The following SASH1 variants were observed in gnomAD, a reference collection of about 807,000 sequenced individuals.
SASH1 encodes the protein SAM and SH3 domain containing 1.
A neutral mutation model predicts 125.2 loss-of-function variants in SASH1; 44 were observed. That is an observed-to-expected ratio of 0.35 (90% confidence interval 0.28 to 0.45). The LOEUF (loss-of-function observed/expected upper bound fraction) is 0.45. Ranked by LOEUF, SASH1 falls within the 20% of genes least tolerant of loss-of-function variation. SASH1 has a pLI of 1.00. For synonymous variants in SASH1, 639 were observed against 649.1 expected (o/e 0.98, Z 0.24); for missense variants, 1,426 against 1,614.5 (o/e 0.88, Z 2.00).
chr6:148,515,685 T>G (rs1002628784), intron 9 of SASH1, among the ~76,000 whole-genome samples: 5 of 152,226 alleles, frequency 3.3e-5, no homozygotes, highest in African/African-American at 1.2e-4. Context: ...TTTGGGTGTT[T>G]TAATACCTGC....
In SASH1 at chr6:148,489,535, T is replaced by C. The variant is rs534775937; in HGVS notation, c.729+1820T>C. Among the ~76,000 whole-genome samples the C allele has an allele frequency of 2.0e-5, 3 of 152,346 alleles. No individual in the cohort carries two copies. In the South Asian group the frequency reaches 6.2e-4, roughly 32 times the overall value. On this transcript the variant is annotated intron_variant, in intron 8 of 19. Coordinates refer to ENST00000367467, the MANE Select transcript of SASH1 (RefSeq NM_015278.5). ...CGTTGGGATATTGATAGGGATTGCA[T>C]TGAATCTTTAGATTGACTTGGGTAA...
chr6:148,542,193 A>G (rs911085476), intron 17 of SASH1, among the ~76,000 whole-genome samples: 2 of 152,216 alleles, frequency 1.3e-5, no homozygotes, highest in African/African-American at 4.8e-5. Flanking sequence ...AAGTTCAGGG[A>G]TCTTTCTAAT....
intron 4 of SASH1, among the ~76,000 whole-genome samples, chr6:148,447,487 C>T (rs1055839816): frequency 6.6e-6 from 1 of 152,172 alleles, no homozygotes; most frequent in Non-Finnish European, 1.5e-5. Flanking sequence ...TGTCTTCACC[C>T]TCTTTCCTCT....
intron 1 of SASH1, among the ~76,000 whole-genome samples, chr6:148,358,895 C>T (rs1170270197): frequency 6.6e-6 from 1 of 151,406 alleles, no homozygotes; most frequent in African/African-American, 2.4e-5. Context: ...ATCACCACAC[C>T]CGGCTAATTT....
At chr6:148,270,439 T>C (rs148478648), upstream of SASH1, among the ~76,000 whole-genome samples, 1 of 152,298 alleles carries the variant, frequency 6.6e-6, no homozygotes, top group African/African-American at 2.4e-5. Flanking sequence ...CTGATACCGA[T>C]GAGCAGAATT....
chr6:148,319,526 G>GT (rs1198074752), intron 1 of SASH1, among the ~76,000 whole-genome samples: 1 of 150,822 alleles, frequency 6.6e-6, no homozygotes, highest in Non-Finnish European at 1.5e-5. Flanking sequence ...TTTGTTTTTT[G>GT]TTTTTTTGAG....
intron 4 of SASH1, among the ~76,000 whole-genome samples, chr6:148,452,984 C>T (rs925760010): frequency 2.6e-5 from 4 of 152,216 alleles, no homozygotes; most frequent in Non-Finnish European, 4.4e-5. Flanking sequence ...TGTGTGCACG[C>T]GTGCACCATT....
intron 1 of SASH1, among the ~76,000 whole-genome samples, chr6:148,286,413 A>AG (rs1779484746): frequency 6.6e-6 from 1 of 151,970 alleles, no homozygotes; most frequent in Non-Finnish European, 1.5e-5. Context: ...AAAAAAAAAA[A>AG]AGAATTCTGT....
intron 1 of SASH1, among the ~76,000 whole-genome samples, chr6:148,378,070 T>TC (rs1782981538): frequency 6.6e-6 from 1 of 151,182 alleles, no homozygotes; most frequent in Non-Finnish European, 1.5e-5. Flanking sequence ...TTTTTTTTTT[T>TC]GACGGAGTTT....
In SASH1 at chr6:148,446,088, CTTTTTTTTTTTTTTTTTTTTTTT is replaced by C. The variant is rs576798745; in HGVS notation, c.386+5697_386+5719del. Among the ~76,000 whole-genome samples the C allele has an allele frequency of 2.1e-4, 15 of 71,010 alleles. 1 individual carries two copies. In the South Asian group the frequency reaches 9.8e-3, roughly 46 times the overall value. 46.6% of individuals were successfully genotyped at this position (71,010 alleles called of 152,430 possible). ...TTGCTATCCTGAACAACATAGGGTTCTTTTTTTTTTTTTTTTTTTTTTTTTTTTTTTTTTTTTTGAGACGGAGC... is the reference window on the plus strand; with the variant it reads ...TTGCTATCCTGAACAACATAGGGTTCTTTTTTTTTTTTTTTGAGACGGAGC... On this transcript the variant is annotated intron_variant, in intron 4 of 19. Coordinates refer to ENST00000367467, the MANE Select transcript of SASH1 (RefSeq NM_015278.5).
intron 6 of SASH1, among the ~76,000 whole-genome samples, chr6:148,472,242 C>T (rs1317445030): frequency 1.3e-5 from 2 of 152,086 alleles, no homozygotes; most frequent in Non-Finnish European, 2.9e-5. Context: ...TCTTAGTGTC[C>T]TGTGCTGTGT....
In SASH1 at chr6:148,272,348, G is replaced by C. The variant is rs1279696085; in HGVS notation, n.45G>C. On this transcript the variant is annotated non_coding_transcript_exon_variant, in exon 1 of 4. Coordinates refer to the SASH1 transcript ENST00000367469. Reference sequence around the variant, plus strand: ...AGACCATTTGAACGTATGGCCAGCAGCTCACTTCATGGAGGAACAAGATTG... The same window carrying C: ...AGACCATTTGAACGTATGGCCAGCACCTCACTTCATGGAGGAACAAGATTG... 13 of 470,762 alleles carry C rather than the reference G, an allele frequency of 2.8e-5. No individual in the cohort carries two copies. The Admixed American group carries it at 3.1e-4, about 11-fold the overall frequency. The allele number at this position is 470,762 out of a possible 1,614,324, so 29.2% of individuals were successfully genotyped here. A position where few individuals can be genotyped will look rare whatever the true frequency, so the allele number is the denominator to read the frequency against.
chr6:148,197,782 A>C, the SASH1 span, among the ~76,000 whole-genome samples: 2 of 152,060 alleles, frequency 1.3e-5, no homozygotes, highest in African/African-American at 4.8e-5. Flanking sequence ...AGGTGATTGG[A>C]TCATAGGGTG....
chr6:148,388,621 T>G (rs913351378), intron 1 of SASH1, among the ~76,000 whole-genome samples: 2 of 152,214 alleles, frequency 1.3e-5, no homozygotes, highest in Non-Finnish European at 2.9e-5. Flanking sequence ...TCTCTGTTTC[T>G]CCTCTCCCTT....
Position 148,534,838 on chromosome 6 carries a change from A to T in SASH1, c.2032A>T (p.Ile678Phe). The T allele has an allele frequency of 1.2e-6, 2 of 1,614,250 alleles. No homozygotes were observed. Among genetic ancestry groups the T allele is most frequent in the Non-Finnish European group, 1.7e-6 (2 of 1,180,042 alleles). ...LEEEDLDELN[I>F]RDPEHRAVLL... ...GGAGGAAGACTTGGATGAGTTAAAT[A>T]TCAGGGACCCGGAACACAGAGCTGT... The change falls in exon 16 of 20, where the codon ATC becomes TTC. Residue 678 changes from isoleucine (I) to phenylalanine (F), a missense_variant. This residue lies in a region of SASH1 where 225 missense variants were observed against 344.5 expected (regional missense o/e 0.65). Coordinates refer to ENST00000367467, the MANE Select transcript of SASH1 (RefSeq NM_015278.5).
intron 6 of SASH1, among the ~76,000 whole-genome samples, chr6:148,473,333 A>G (rs1778197558): frequency 6.6e-6 from 1 of 151,968 alleles, no homozygotes; most frequent in African/African-American, 2.4e-5. Flanking sequence ...GCTCACTGCA[A>G]CCTTCACCTC....
chr6:148,209,718 T>C, the SASH1 span, among the ~76,000 whole-genome samples: 5 of 152,194 alleles, frequency 3.3e-5, no homozygotes, highest in Admixed American at 2.6e-4. Flanking sequence ...CCTCTCAGAA[T>C]GGTGAAGGGC....
chr6:148,508,719 G>A (rs2115302329), intron 8 of SASH1: 1 of 1,211,342 alleles, frequency 8.3e-7, no homozygotes, highest in African/African-American at 1.6e-5. Flanking sequence ...GCCTGATCAT[G>A]TAACTCCAGA....
intron 1 of SASH1, among the ~76,000 whole-genome samples, chr6:148,272,762 G>A (rs905746370): frequency 2.2e-4 from 34 of 152,130 alleles, no homozygotes; most frequent in African/African-American, 8.0e-4. Flanking sequence ...TTGCACACAC[G>A]CTAAGAATGA....
Sources: gnomAD v4.1 joint callset for allele counts (sites outside exome capture counted in the v4.1 genomes callset) on GRCh38, gnomAD v4.1.1 for gene constraint, gnomAD v4.1.1 regional missense constraint, MANE v1.5 for transcripts, NCBI Gene and HGNC (gene_info 2026-07-23, HGNC 2026-07-21) for gene names.